ATIC: variants seen among roughly 807,000 people sequenced by gnomAD.
ATIC encodes the protein 5-aminoimidazole-4-carboxamide ribonucleotide formyltransferase/IMP cyclohydrolase, also known as bifunctional purine biosynthesis protein ATIC.
ATIC carries 64 observed loss-of-function variants against 72.5 expected under a neutral mutation model. The observed-to-expected ratio is 0.88, with a 90% CI of 0.72 to 1.09. The LOEUF (loss-of-function observed/expected upper bound fraction) is 1.09. ATIC is among the 50% of genes least tolerant of loss of function. ATIC has a pLI of 0.00. For synonymous variants in ATIC, 281 were observed against 267.1 expected (o/e 1.05, Z -0.51); for missense variants, 787 against 732.4 (o/e 1.07, Z -0.86).
chr2:215,349,595 G>A lies in ATIC; in HGVS notation c.1719G>A (p.Glu573=). 2 of 1,614,158 alleles carry A rather than the reference G, an allele frequency of 1.2e-6. No homozygotes were observed. Among genetic ancestry groups the A allele is most frequent in the South Asian group, 1.1e-5 (1 of 91,080 alleles). Residue 573 remains glutamate, a synonymous_variant, in exon 16 of 16, where the codon GAG becomes GAA. Transcript: ENST00000236959. ...SGSAADKVVI[E]ACDELGIILA... The stretch of plus-strand genomic sequence containing the variant: ...CTGCTGCTGACAAAGTTGTGATTGA[G>A]GCCTGCGACGAACTGGGAATCATCC...
chr2:215,362,676 G>C, the ATIC span: 1 of 155,504 alleles, frequency 6.4e-6, no homozygotes, highest in South Asian at 2.0e-4. Flanking sequence ...CACCTGGCCG[G>C]AGATGGCATG....
At chr2:215,365,691 G>A in the ATIC span, 2 of 1,556,404 alleles carry the variant, frequency 1.3e-6, no homozygotes, top group Non-Finnish European at 1.8e-6. Flanking sequence ...TCACAAGACA[G>A]TAGGTGAACT....
downstream of ATIC, among the ~76,000 whole-genome samples, chr2:215,354,318 C>T (rs1356725813): frequency 1.3e-5 from 2 of 152,186 alleles, no homozygotes; most frequent in East Asian, 3.9e-4. Context: ...GTGTGAGCCA[C>T]CATGCCTTCT....
chr2:215,324,188 C>T (rs1026996152), intron 4 of ATIC, among the ~76,000 whole-genome samples: 18 of 152,212 alleles, frequency 1.2e-4, no homozygotes, highest in African/African-American at 3.9e-4. Context: ...TGAGCCACTG[C>T]GCCTGGCCTC....
chr2:215,336,267 A>C, intron 11 of ATIC, 143 bp downstream of exon 11: 1 of 701,882 alleles, frequency 1.4e-6, no homozygotes, highest in Non-Finnish European at 2.4e-6. Context: ...ATTTAAAAAA[A>C]TACTATTAAC....
At chr2:215,345,214 C>T (rs1209777396) in intron 13 of ATIC, 9 of 360,254 alleles carry the variant, frequency 2.5e-5, no homozygotes, top group Middle Eastern at 9.0e-4. Context: ...AGGTAAGTTA[C>T]GGTACTGCCA....
intron 10 of ATIC, among the ~76,000 whole-genome samples, chr2:215,335,395 A>G: frequency 6.6e-6 from 1 of 152,196 alleles, no homozygotes; most frequent in East Asian, 1.9e-4. Flanking sequence ...TCAGTTGAAT[A>G]CCAAACAGGT....
At chr2:215,335,337 A>T (rs2106023616) in intron 10 of ATIC, among the ~76,000 whole-genome samples, 1 of 152,334 alleles carries the variant, frequency 6.6e-6, no homozygotes, top group East Asian at 1.9e-4. Flanking sequence ...AATCCATCTT[A>T]CTGCATAGTG....
chr2:215,313,816 G>A (rs757078909), intron 2 of ATIC, among the ~76,000 whole-genome samples: 4 of 152,236 alleles, frequency 2.6e-5, no homozygotes, highest in African/African-American at 9.6e-5. Flanking sequence ...TTTGCGTCTT[G>A]TCTCTGTGGT....
chr2:215,358,641 T>G, the ATIC span, among the ~76,000 whole-genome samples: 1 of 152,242 alleles, frequency 6.6e-6, no homozygotes, highest in Non-Finnish European at 1.5e-5. Flanking sequence ...AAAGAAAGTT[T>G]CATCATTCTT....
At chr2:215,315,343 G>A (rs2052696936) in intron 2 of ATIC, among the ~76,000 whole-genome samples, 1 of 152,132 alleles carries the variant, frequency 6.6e-6, no homozygotes, top group Non-Finnish European at 1.5e-5. Flanking sequence ...TGAGAGGCAA[G>A]AGGGCAGGAG....
At chr2:215,361,910 AC>A in the ATIC span, 1 of 1,600,942 alleles carries the variant, frequency 6.2e-7, no homozygotes, top group Admixed American at 1.7e-5. Context: ...GAAGAAAGAT[AC>A]CTGTAGAAAG....
the ATIC span, among the ~76,000 whole-genome samples, chr2:215,359,278 AT>A: frequency 6.6e-6 from 1 of 152,180 alleles, no homozygotes; most frequent in Non-Finnish European, 1.5e-5. Context: ...CTCTTTCCTT[AT>A]GTTTTTAGAT....
intron 7 of ATIC, among the ~76,000 whole-genome samples, chr2:215,331,277 C>G (rs968659585): frequency 6.6e-6 from 1 of 151,742 alleles, no homozygotes; most frequent in Non-Finnish European, 1.5e-5. Context: ...ATACCTAGAA[C>G]AGTGCTTAAC....
chr2:215,318,282 A>T, intron 3 of ATIC, 49 bp downstream of exon 3: 1 of 1,524,722 alleles, frequency 6.6e-7, no homozygotes, highest in South Asian at 1.1e-5. Flanking sequence ...GTTTCCAGGA[A>T]TATTTTAGTT....
At chr2:215,318,339 C>T (rs2052732040) in intron 3 of ATIC, 106 bp downstream of exon 3, 4 of 1,085,126 alleles carry the variant, frequency 3.7e-6, no homozygotes, top group African/African-American at 1.6e-5. Flanking sequence ...GAGAAATTTA[C>T]ATATAAAGTT....
chr2:215,329,785 C>T (rs1278297833), intron 7 of ATIC, among the ~76,000 whole-genome samples: 6 of 151,258 alleles, frequency 4.0e-5, no homozygotes, highest in Non-Finnish European at 8.8e-5. Context: ...TTTTTTGAGG[C>T]AGAGTCTTGC....
At chr2:215,349,936 T>C (rs191059479), downstream of ATIC, among the ~76,000 whole-genome samples, 6 of 152,222 alleles carry the variant, frequency 3.9e-5, no homozygotes, top group East Asian at 1.2e-3. Context: ...CCAAACGAGC[T>C]GAGCAGCCAG....
intron 12 of ATIC, among the ~76,000 whole-genome samples, chr2:215,342,214 T>C (rs1264175386): frequency 1.3e-5 from 2 of 152,216 alleles, no homozygotes; most frequent in Non-Finnish European, 1.5e-5. Context: ...AAGCTGGCTT[T>C]TGCTACTAAG....
Sources: allele counts gnomAD v4.1 joint callset (sites outside exome capture counted in the v4.1 genomes callset), GRCh38; gene constraint gnomAD v4.1.1; transcripts MANE v1.5; gene names NCBI Gene and HGNC (gene_info 2026-07-23, HGNC 2026-07-21).